The following TMOD1 variants were observed in gnomAD, a reference collection of about 807,000 sequenced individuals.
TMOD1 encodes the protein tropomodulin-1.
TMOD1 carries 17 observed loss-of-function variants against 40.6 expected under a neutral mutation model. That is an observed-to-expected ratio of 0.42 (90% CI 0.29 to 0.63). The LOEUF (loss-of-function observed/expected upper bound fraction) is 0.63, where lower values mean the gene tolerates loss of function less well. TMOD1 is among the 20% of genes least tolerant of loss of function. The pLI, the probability that TMOD1 is intolerant of heterozygous loss-of-function variation, is 0.22. For synonymous variants in TMOD1, 181 were observed against 175.0 expected (o/e 1.03, Z -0.27); for missense variants, 391 against 447.6 (o/e 0.87, Z 1.14).
chr9:97,531,119 T>G (rs1282543919), intron 2 of TMOD1, among the ~76,000 whole-genome samples: 1 of 150,864 alleles, frequency 6.6e-6, no homozygotes, highest in African/African-American at 2.4e-5. Context: ...TAAGGTGTTC[T>G]TACATGCCAG....
intron 4 of TMOD1, chr9:97,555,715 A>C: frequency 6.5e-7 from 1 of 1,539,378 alleles, no homozygotes; most frequent in Non-Finnish European, 8.8e-7. Flanking sequence ...GTTCTATGTG[A>C]GTTGCTCTCA....
At chr9:97,553,709 G>A (rs1341048440) in intron 4 of TMOD1, among the ~76,000 whole-genome samples, 1 of 152,122 alleles carries the variant, frequency 6.6e-6, no homozygotes, top group African/African-American at 2.4e-5. Flanking sequence ...GTTGAATCCT[G>A]CCCAAACCAT....
Position 97,601,178 on chromosome 9 carries a change from C to T in TMOD1, c.*1480C>T, listed in dbSNP as rs927580601. The T allele has an allele frequency of 1.5e-6, 2 of 1,297,028 alleles. No homozygotes were observed. The highest frequency in any genetic ancestry group is 1.5e-5 in the African/African-American group (1 of 65,492). The allele number at this position is 1,297,028 out of a possible 1,614,324, so 80.3% of individuals were successfully genotyped here. On this transcript the variant is annotated 3_prime_UTR_variant, in exon 10 of 10. Transcript: ENST00000259365. ...AGGGACAACCATCCCCATTTGGCTT[C>T]TCCTTAAAACACAATTGCAGCTGCA... is the stretch of plus-strand genomic sequence containing the variant.
chr9:97,554,550 T>C (rs1265052919), intron 4 of TMOD1, among the ~76,000 whole-genome samples: 3 of 104,238 alleles, frequency 2.9e-5, no homozygotes, highest in Admixed American at 2.1e-4. Context: ...TGGTGGGGGT[T>C]GGGGGCGGGG....
At position 97,600,245 on chromosome 9, in the gene TMOD1, T is replaced by C. The variant is rs943023109; in HGVS notation, c.*547T>C. The C allele has an allele frequency of 2.8e-5, 28 of 987,960 alleles. No individual in the cohort carries two copies. Among genetic ancestry groups the C allele is most frequent in the African/African-American group, 1.0e-4 (6 of 57,234 alleles). 61.2% of individuals were successfully genotyped at this position (987,960 alleles called of 1,614,324 possible). A position where few individuals can be genotyped will look rare whatever the true frequency, so the allele number is the denominator to read the frequency against. ...AACACAATTTTCCCCTCAGAACAGA[T>C]AGACAGACTGAAGCCACTGAACTCT... On this transcript the variant is annotated 3_prime_UTR_variant, in exon 10 of 10. Coordinates refer to ENST00000259365, the MANE Select transcript of TMOD1 (RefSeq NM_003275.4).
At chr9:97,503,273 G>A (rs1282549460) in intron 1 of TMOD1, among the ~76,000 whole-genome samples, 1 of 152,178 alleles carries the variant, frequency 6.6e-6, no homozygotes, top group Non-Finnish European at 1.5e-5. Context: ...AGGTCCGGGA[G>A]CTCTGGGAGC....
In TMOD1 at chr9:97,529,345, C is replaced by G. The variant is rs541534436; in HGVS notation, c.120+5037C>G. Reference sequence around the variant, plus strand: ...GCCTAGATGGCCTTGGAAGCCCCCTCTAGCTCTAACCACATATGATTTCTT... The same window carrying G: ...GCCTAGATGGCCTTGGAAGCCCCCTGTAGCTCTAACCACATATGATTTCTT... On this transcript the variant is annotated intron_variant, in intron 2 of 9. Coordinates refer to ENST00000259365, the MANE Select transcript of TMOD1 (RefSeq NM_003275.4). Among the ~76,000 whole-genome samples, 22 of 152,274 alleles carry G rather than the reference C, an allele frequency of 1.4e-4. No homozygotes were observed. In the South Asian group the frequency reaches 4.4e-3, roughly 30 times the overall value.
At chr9:97,593,618 G>GA (rs1473609094) in intron 9 of TMOD1, among the ~76,000 whole-genome samples, 1 of 151,576 alleles carries the variant, frequency 6.6e-6, no homozygotes, top group African/African-American at 2.4e-5. Context: ...CCTTTTAGGG[G>GA]AAAAAAAAGA....
At position 97,550,055 on chromosome 9, in the gene TMOD1, C is replaced by A. The variant is rs535131029; in HGVS notation, c.278-3226C>A. 9.8e-5 allele frequency among the ~76,000 whole-genome samples: 15 copies of A among 152,324 alleles called. 1 individual carries two copies. The South Asian group carries it at 3.1e-3, about 32-fold the overall frequency. On this transcript the variant is annotated intron_variant, in intron 3 of 9. Transcript: ENST00000259365. ...ATTACAGTTAGTTACTCTCCCACTC[C>A]CTCTGCCCCAGCCCCTAGTACCACC...
chr9:97,531,809 A>G (rs1187969637), intron 2 of TMOD1, among the ~76,000 whole-genome samples: 1 of 152,166 alleles, frequency 6.6e-6, no homozygotes, highest in Non-Finnish European at 1.5e-5. Flanking sequence ...TATGTATTTC[A>G]TCAAATCCTC....
At chr9:97,576,927 T>C (rs190804965) in intron 8 of TMOD1, among the ~76,000 whole-genome samples, 1,724 of 152,216 alleles carry the variant, frequency 0.011, 24 homozygotes, top group South Asian at 0.045. Flanking sequence ...GCGTGAGCCA[T>C]CGCGCCTGGC....
At chr9:97,514,349 C>T (rs953375208) in intron 1 of TMOD1, among the ~76,000 whole-genome samples, 22 of 151,200 alleles carry the variant, frequency 1.5e-4, no homozygotes, top group African/African-American at 5.1e-4. Context: ...AACTCTTGAC[C>T]TCAAGTGATC....
chr9:97,554,818 G>A (rs901989612), intron 4 of TMOD1, among the ~76,000 whole-genome samples: 5 of 152,164 alleles, frequency 3.3e-5, no homozygotes, highest in African/African-American at 9.7e-5. Flanking sequence ...TGTTGTGCAT[G>A]ACTTTGGTGA....
chr9:97,600,701 G>C lies in TMOD1; in HGVS notation c.*1003G>C. On this transcript the variant is annotated 3_prime_UTR_variant, in exon 10 of 10. Coordinates refer to ENST00000259365, the MANE Select transcript of TMOD1 (RefSeq NM_003275.4). ...TACGCCTGTATATTAAGCCTCCGCAGGATGCCGGACAATGGTGAAGAAACT... is the reference window on the plus strand; with the variant it reads ...TACGCCTGTATATTAAGCCTCCGCACGATGCCGGACAATGGTGAAGAAACT... The C allele has an allele frequency of 1.0e-6, 1 of 1,003,532 alleles. No homozygotes were observed. Among genetic ancestry groups the C allele is most frequent in the South Asian group, 4.2e-5 (1 of 23,814 alleles). The allele number at this position is 1,003,532 out of a possible 1,614,324, so 62.2% of individuals were successfully genotyped here.
chr9:97,529,762 C>G (rs959451177), intron 2 of TMOD1, among the ~76,000 whole-genome samples: 1 of 152,148 alleles, frequency 6.6e-6, no homozygotes, highest in Non-Finnish European at 1.5e-5. Context: ...TGCCTTTGTA[C>G]CAGGCAGTGG....
intron 2 of TMOD1, among the ~76,000 whole-genome samples, chr9:97,537,897 G>A (rs1830208336): frequency 6.6e-6 from 1 of 152,208 alleles, no homozygotes; most frequent in African/African-American, 2.4e-5. Context: ...AGTTTGCTAG[G>A]AACCTTAGAT....
chr9:97,582,605 C>A (rs1587958352), intron 8 of TMOD1, among the ~76,000 whole-genome samples: 1 of 117,140 alleles, frequency 8.5e-6, no homozygotes, highest in African/African-American at 3.8e-5. Flanking sequence ...TGGCCATTTT[C>A]ACGATATTGA....
At chr9:97,538,408 C>T (rs1830219548) in intron 2 of TMOD1, among the ~76,000 whole-genome samples, 1 of 151,984 alleles carries the variant, frequency 6.6e-6, no homozygotes, top group African/African-American at 2.4e-5. Context: ...CTTTCAGTGC[C>T]TCTCATGAAT....
At chr9:97,558,469 A>G (rs1206997228) in intron 4 of TMOD1, among the ~76,000 whole-genome samples, 2 of 152,090 alleles carry the variant, frequency 1.3e-5, no homozygotes, top group African/African-American at 2.4e-5. Context: ...TTTTAGACAG[A>G]GTCTCACTCT....
Sources: gnomAD v4.1 joint callset for allele counts (sites outside exome capture counted in the v4.1 genomes callset) on GRCh38, gnomAD v4.1.1 for gene constraint, MANE v1.5 for transcripts, NCBI Gene and HGNC (gene_info 2026-07-23, HGNC 2026-07-21) for gene names.